CSTPP1: variants seen among roughly 807,000 people sequenced by gnomAD.
CSTPP1 encodes the protein UPF0705 protein C11orf49.
chr11:47,094,793 A>G, the CSTPP1 span, among the ~76,000 whole-genome samples: 1 of 152,222 alleles, frequency 6.6e-6, no homozygotes, highest in African/African-American at 2.4e-5. Flanking sequence ...GTTCTGTTGT[A>G]TAGTGCTGTT....
At chr11:47,074,234 T>C in the CSTPP1 span, among the ~76,000 whole-genome samples, 1 of 151,648 alleles carries the variant, frequency 6.6e-6, no homozygotes, top group African/African-American at 2.4e-5. Context: ...TTGCCATGGC[T>C]CATGCCTATA....
the CSTPP1 span, among the ~76,000 whole-genome samples, chr11:47,071,388 C>G: frequency 6.6e-6 from 1 of 152,166 alleles, no homozygotes; most frequent in Non-Finnish European, 1.5e-5. Flanking sequence ...GTTTTCTCAT[C>G]TATAAAATGG....
chr11:46,997,032 C>T, the CSTPP1 span, among the ~76,000 whole-genome samples: 1 of 152,094 alleles, frequency 6.6e-6, no homozygotes, highest in Non-Finnish European at 1.5e-5. Flanking sequence ...AATTTTGTGT[C>T]TTGGAGTTGC....
At chr11:47,136,349 C>A in the CSTPP1 span, among the ~76,000 whole-genome samples, 1 of 152,168 alleles carries the variant, frequency 6.6e-6, no homozygotes, top group African/African-American at 2.4e-5. Context: ...AAGAACAAGA[C>A]CTCCTGCCAG....
chr11:47,044,233 C>T, the CSTPP1 span, among the ~76,000 whole-genome samples: 9 of 152,166 alleles, frequency 5.9e-5, no homozygotes, highest in Admixed American at 1.3e-4. Context: ...GTGACCCACC[C>T]GCCTCGACCT....
the CSTPP1 span, among the ~76,000 whole-genome samples, chr11:46,940,712 C>T: frequency 7.2e-5 from 11 of 152,024 alleles, no homozygotes; most frequent in African/African-American, 2.7e-4. Flanking sequence ...GTGACCACAT[C>T]CATTAATCAG....
chr11:47,056,921 C>T, the CSTPP1 span, among the ~76,000 whole-genome samples: 1 of 152,126 alleles, frequency 6.6e-6, no homozygotes, highest in Non-Finnish European at 1.5e-5. Flanking sequence ...TTAGCATTAT[C>T]AAGTGGAAAG....
chr11:47,012,053 T>C, the CSTPP1 span, among the ~76,000 whole-genome samples: 2 of 151,178 alleles, frequency 1.3e-5, no homozygotes, highest in African/African-American at 2.4e-5. Flanking sequence ...AGCGGGAGGA[T>C]TGATTGAGGC....
At chr11:47,074,501 GAA>G in the CSTPP1 span, among the ~76,000 whole-genome samples, 1 of 115,196 alleles carries the variant, frequency 8.7e-6, no homozygotes, top group Non-Finnish European at 1.8e-5. Context: ...TCCTGTCTCA[GAA>G]AAAAAAAAAA....
chr11:46,987,108 C>A, the CSTPP1 span: 1 of 1,110,940 alleles, frequency 9.0e-7, no homozygotes, highest in Non-Finnish European at 1.3e-6. Flanking sequence ...ACAGAGCCAA[C>A]ACCTGGATTG....
the CSTPP1 span, among the ~76,000 whole-genome samples, chr11:47,077,646 C>A: frequency 2.6e-5 from 4 of 151,918 alleles, no homozygotes; most frequent in East Asian, 7.7e-4. Context: ...TCAAGGGGTG[C>A]AACACAGGAG....
At chr11:47,012,506 A>G in the CSTPP1 span, among the ~76,000 whole-genome samples, 1 of 152,152 alleles carries the variant, frequency 6.6e-6, no homozygotes, top group Non-Finnish European at 1.5e-5. Flanking sequence ...GAGAAAAAAG[A>G]TAGGGGATAG....
At chr11:47,065,110 T>G in the CSTPP1 span, among the ~76,000 whole-genome samples, 1 of 152,168 alleles carries the variant, frequency 6.6e-6, no homozygotes, top group South Asian at 2.1e-4. Flanking sequence ...TTGTTTTGGG[T>G]ATTCTTGGTC....
chr11:47,121,214 T>C, the CSTPP1 span, among the ~76,000 whole-genome samples: 3 of 152,248 alleles, frequency 2.0e-5, no homozygotes, highest in Non-Finnish European at 4.4e-5. Flanking sequence ...TGCCTAATTA[T>C]AGTTCTTTTT....
At chr11:47,038,434 G>A in the CSTPP1 span, among the ~76,000 whole-genome samples, 8 of 102,832 alleles carry the variant, frequency 7.8e-5, 1 homozygote, top group Middle Eastern at 5.6e-3. Context: ...TCCCGGATGG[G>A]GCGGCTGGCC....
chr11:47,162,802 G>C, the CSTPP1 span, among the ~76,000 whole-genome samples: 3 of 152,162 alleles, frequency 2.0e-5, no homozygotes, highest in Admixed American at 1.3e-4. Context: ...CATTTCCTTG[G>C]GCTCATCCCT....
At chr11:46,944,642 C>A in the CSTPP1 span, among the ~76,000 whole-genome samples, 1 of 152,158 alleles carries the variant, frequency 6.6e-6, no homozygotes, top group African/African-American at 2.4e-5. Flanking sequence ...TAGTGGGTGA[C>A]TTTGGCTTAA....
At chr11:47,150,791 G>C in the CSTPP1 span, among the ~76,000 whole-genome samples, 1 of 151,782 alleles carries the variant, frequency 6.6e-6, no homozygotes, top group Non-Finnish European at 1.5e-5. Flanking sequence ...TGCAGTGGGG[G>C]AGTCGAGGGA....
the CSTPP1 span, among the ~76,000 whole-genome samples, chr11:47,051,722 C>T: frequency 2.8e-5 from 4 of 143,590 alleles, no homozygotes; most frequent in African/African-American, 1.0e-4. Context: ...GACTGAGTCT[C>T]ACTCTGTTGA....
Sources: allele counts gnomAD v4.1 joint callset (sites outside exome capture counted in the v4.1 genomes callset), GRCh38; gene constraint gnomAD v4.1.1; transcripts MANE v1.5; gene names NCBI Gene and HGNC (gene_info 2026-07-23, HGNC 2026-07-21).